Variants in ATAD3A observed in about 807,000 individuals in gnomAD.
The protein encoded by ATAD3A is ATPase family AAA domain-containing protein 3A.
In ATAD3A, 46 loss-of-function variants were observed where a neutral mutation model predicts 73.8. That is an observed-to-expected ratio of 0.62 (90% CI 0.49 to 0.80). The LOEUF is 0.80. ATAD3A is among the 30% of genes least tolerant of loss of function. The probability of loss-of-function intolerance (pLI) is 0.00; values close to 1 mark genes in which losing one functional copy is unlikely to be tolerated. For missense variants in ATAD3A, 705 were observed against 838.0 expected (o/e 0.84, Z 1.96); for synonymous variants, 319 against 350.0 (o/e 0.91, Z 0.99).
chr1:1,520,361 C>T lies in ATAD3A; in HGVS notation c.680+55C>T, dbSNP rs1328164902. ...CAGATGGAGCCCCGCAGGTGTGAGT[C>T]GCTGGTCCCAGGGCGCTCTCCAGCT... On this transcript the variant is annotated intron_variant, in intron 6 of 15. Coordinates refer to ENST00000378756, the MANE Select transcript of ATAD3A (RefSeq NM_001170535.3). This position sits in a 1 kb window ranked among gnomAD's most constrained non-coding sequence, Gnocchi z 4.0. 2.5e-5 allele frequency: 40 copies of T among 1,599,866 alleles called. No individual in the cohort carries two copies. The East Asian group carries it at 2.7e-4, about 11-fold the overall frequency.
At chr1:1,525,657 T>G (rs769674626) in intron 12 of ATAD3A, among the ~76,000 whole-genome samples, 4 of 152,196 alleles carry the variant, frequency 2.6e-5, no homozygotes, top group East Asian at 1.9e-4. Flanking sequence ...CTCGTGATCC[T>G]CCCGCCTTGG....
At chr1:1,521,336 G>T (rs1276462152) in intron 7 of ATAD3A, among the ~76,000 whole-genome samples, 1 of 138,202 alleles carries the variant, frequency 7.2e-6, no homozygotes, top group Admixed American at 7.3e-5. Flanking sequence ...AAAACCAGAA[G>T]GCAACCCTGA....
chr1:1,533,163 C>T (rs1187484946), intron 15 of ATAD3A, among the ~76,000 whole-genome samples: 1 of 152,162 alleles, frequency 6.6e-6, no homozygotes, highest in Non-Finnish European at 1.5e-5. Context: ...GGGCGAGGGA[C>T]CCACTCAGCT....
At chr1:1,533,874 G>T (rs573848735) in intron 15 of ATAD3A, 52 bp from the exon 16 acceptor site, 3 of 1,591,826 alleles carry the variant, frequency 1.9e-6, no homozygotes, top group Middle Eastern at 1.9e-4. Flanking sequence ...GCGTGCATTT[G>T]GGGTGGGGGG....
At chr1:1,525,565 C>T (rs1046491601) in intron 12 of ATAD3A, among the ~76,000 whole-genome samples, 2 of 151,896 alleles carry the variant, frequency 1.3e-5, no homozygotes, top group Non-Finnish European at 2.9e-5. Flanking sequence ...CAGGCTCCCG[C>T]CACCACACCT....
chr1:1,527,617 G>T, intron 13 of ATAD3A, 78 bp from the exon 14 acceptor site: 1 of 1,508,602 alleles, frequency 6.6e-7, no homozygotes, highest in Non-Finnish European at 8.9e-7. Context: ...CTCCCTGTGG[G>T]GGCTGAGGAG....
chr1:1,520,180 A>G lies in ATAD3A; in HGVS notation c.554A>G (p.Glu185Gly), dbSNP rs1357813591. The change falls in exon 6 of 16, where the codon GAG becomes GGG. Residue 185 changes from glutamate (E) to glycine (G), a missense_variant. Transcript: ENST00000378756. This position sits in a 1 kb window ranked among gnomAD's most constrained non-coding sequence, Gnocchi z 4.0. ...EREMELRHKN[E>G]MLRVEAEARA... Reference sequence around the variant, plus strand: ...GAGATGGAGCTGCGGCACAAGAATGAGATGCTGCGAGTGGAGGCCGAGGCC... The same window carrying G: ...GAGATGGAGCTGCGGCACAAGAATGGGATGCTGCGAGTGGAGGCCGAGGCC... 1 of 1,611,802 alleles carries G rather than the reference A, an allele frequency of 6.2e-7. No individual in the cohort carries two copies. Among genetic ancestry groups the G allele is most frequent in the East Asian group, 2.2e-5 (1 of 44,886 alleles).
At chr1:1,519,145 C>G (rs531377419) in intron 5 of ATAD3A, among the ~76,000 whole-genome samples, 155 bp downstream of exon 5, 4 of 151,662 alleles carry the variant, frequency 2.6e-5, no homozygotes, top group Admixed American at 2.6e-4. Flanking sequence ...GGCTGCCTCT[C>G]GGAAGACACC....
chr1:1,528,006 C>G, intron 14 of ATAD3A, 144 bp downstream of exon 14: 1 of 1,081,226 alleles, frequency 9.2e-7, no homozygotes, highest in Non-Finnish European at 1.3e-6. Context: ...GTCGCCCAGG[C>G]TGGAGTGCAG....
At chr1:1,518,689 A>ACACACACACC (rs1553125142) in intron 4 of ATAD3A, among the ~76,000 whole-genome samples, 3 of 85,970 alleles carry the variant, frequency 3.5e-5, no homozygotes, top group Admixed American at 1.5e-4. Flanking sequence ...ACACACACAC[A>ACACACACACC]CCCAAACGGG....
In ATAD3A at chr1:1,520,154, G is replaced by A. The variant is rs1227986246; in HGVS notation, c.528G>A (p.Arg176=). 2.5e-6 allele frequency: 4 copies of A among 1,611,040 alleles called. No individual in the cohort carries two copies. Among genetic ancestry groups the A allele is most frequent in the Middle Eastern group, 2.0e-4 (1 of 5,026 alleles). Residue 176 remains arginine, a synonymous_variant, in exon 6 of 16, where the codon CGG becomes CGA. Coordinates refer to ENST00000378756, the MANE Select transcript of ATAD3A (RefSeq NM_001170535.3). The surrounding 1 kb of genome is among the most constrained non-coding windows in gnomAD (Gnocchi z 4.0). ...TCTCTGGGGCAGCCACCGTGGAGCGGGAGATGGAGCTGCGGCACAAGAATG... is the reference window on the plus strand; with the variant it reads ...TCTCTGGGGCAGCCACCGTGGAGCGAGAGATGGAGCTGCGGCACAAGAATG... ...QEAMRRATVE[R]EMELRHKNEM...
In ATAD3A at chr1:1,526,292, T is replaced by TA. The variant is rs1467957878; in HGVS notation, c.1267-168dup. Among the ~76,000 whole-genome samples the TA allele has an allele frequency of 2.0e-4, 31 of 152,238 alleles. 2 individuals are homozygous for TA. Among genetic ancestry groups the TA allele is most frequent in the African/African-American group, 7.2e-4 (30 of 41,538 alleles). ...CGCCTCAGCCTCCCAAAATCCAGGT[T>TA]ACATTCGTGAGCCACCGCCCCTGGC... On this transcript the variant is annotated intron_variant, in intron 12 of 15. Transcript: ENST00000378756.
intron 7 of ATAD3A, among the ~76,000 whole-genome samples, chr1:1,522,127 C>T (rs1265911802): frequency 1.3e-5 from 2 of 152,090 alleles, no homozygotes; most frequent in Non-Finnish European, 2.9e-5. Flanking sequence ...GCAACCTTTG[C>T]CTTCCGGGTT....
Position 1,523,254 on chromosome 1 carries a change from C to T in ATAD3A, c.907-257C>T, listed in dbSNP as rs997119617. ...TGGGGAGCCGCGCCGCTCGCCGCCC[C>T]CGAGGTGCCTGCTCTCCACAGGTCA... is the stretch of plus-strand genomic sequence containing the variant. On this transcript the variant is annotated intron_variant, in intron 8 of 15. Coordinates refer to ENST00000378756, the MANE Select transcript of ATAD3A (RefSeq NM_001170535.3). The surrounding 1 kb of genome is among the most constrained non-coding windows in gnomAD (Gnocchi z 5.1). 6.6e-6 allele frequency among the ~76,000 whole-genome samples: 1 copy of T among 152,076 alleles called. No individual in the cohort carries two copies. The highest frequency in any genetic ancestry group is 1.5e-5 in the Non-Finnish European group (1 of 68,022).
At position 1,523,451 on chromosome 1, in the gene ATAD3A, G is replaced by GGTGGCTGTTCC; in HGVS notation, c.907-51_907-41dup. 1 of 1,590,336 alleles carries GGTGGCTGTTCC rather than the reference G, an allele frequency of 6.3e-7. No homozygotes were observed. Among genetic ancestry groups the GGTGGCTGTTCC allele is most frequent in the South Asian group, 1.1e-5 (1 of 88,424 alleles). Reference sequence around the variant, plus strand: ...GTTACCGAGCGTGTGTGTGCGCGTTGGTGGCTGTTCCGTGGCTGTGGCAGG... The same window carrying GGTGGCTGTTCC: ...GTTACCGAGCGTGTGTGTGCGCGTTGGTGGCTGTTCCGTGGCTGTTCCGTGGCTGTGGCAGG... On this transcript the variant is annotated intron_variant, in intron 8 of 15. Coordinates refer to ENST00000378756, the MANE Select transcript of ATAD3A (RefSeq NM_001170535.3). The surrounding 1 kb of genome is among the most constrained non-coding windows in gnomAD (Gnocchi z 5.1).
Position 1,520,747 on chromosome 1 carries a change from C to G in ATAD3A, c.750+130C>G. On this transcript the variant is annotated intron_variant, in intron 7 of 15. Coordinates refer to ENST00000378756, the MANE Select transcript of ATAD3A (RefSeq NM_001170535.3). The surrounding 1 kb of genome is among the most constrained non-coding windows in gnomAD (Gnocchi z 4.0). ...GCTCTCCCAGCAGGGAGGAAGCCCA[C>G]GTTGTACCTGCTGGCCTCGGCTTCT... The G allele has an allele frequency of 2.8e-6, 4 of 1,427,918 alleles. No homozygotes were observed. The highest frequency in any genetic ancestry group is 3.8e-6 in the Non-Finnish European group (4 of 1,043,934). 88.5% of individuals were successfully genotyped at this position (1,427,918 alleles called of 1,614,324 possible). A position where few individuals can be genotyped will look rare whatever the true frequency, so the allele number is the denominator to read the frequency against.
In ATAD3A at chr1:1,523,700, G is replaced by C. The variant is rs986959200; in HGVS notation, c.963+133G>C. The stretch of plus-strand genomic sequence containing the variant: ...CCTGAGATGCGACTGCTTGGACCGT[G>C]CTGGGGATAGATAGGCTGCCCCTGA... On this transcript the variant is annotated intron_variant, in intron 9 of 15. Coordinates refer to ENST00000378756, the MANE Select transcript of ATAD3A (RefSeq NM_001170535.3). This position sits in a 1 kb window ranked among gnomAD's most constrained non-coding sequence, Gnocchi z 5.1. 333 of 1,588,652 alleles carry C rather than the reference G, an allele frequency of 2.1e-4. 1 individual carries two copies. Among genetic ancestry groups the C allele is most frequent in the Non-Finnish European group, 2.6e-4 (307 of 1,165,632 alleles).
chr1:1,524,860 C>T (rs1216526485), intron 11 of ATAD3A, among the ~76,000 whole-genome samples: 8 of 151,288 alleles, frequency 5.3e-5, no homozygotes, highest in Non-Finnish European at 1.0e-4. Context: ...CTCGGCTGTC[C>T]TCGTTGGAAC....
At position 1,514,563 on chromosome 1, in the gene ATAD3A, C is replaced by T. The variant is rs530828384; in HGVS notation, c.206-1449C>T. On this transcript the variant is annotated intron_variant, in intron 1 of 15. Transcript: ENST00000378756. Reference sequence around the variant, plus strand: ...CTTCCTGAAATCTGACACTGATGCCCGTCAGCCCAGTTCGTGCCTAACCAC... The same window carrying T: ...CTTCCTGAAATCTGACACTGATGCCTGTCAGCCCAGTTCGTGCCTAACCAC... Among the ~76,000 whole-genome samples, 6 of 152,304 alleles carry T rather than the reference C, an allele frequency of 3.9e-5. No individual in the cohort carries two copies. In the South Asian group the frequency reaches 6.2e-4, roughly 16 times the overall value.
Sources: allele counts gnomAD v4.1 joint callset (sites outside exome capture counted in the v4.1 genomes callset), GRCh38; gene constraint gnomAD v4.1.1; non-coding constraint Gnocchi (gnomAD v3.1); transcripts MANE v1.5; gene names NCBI Gene and HGNC (gene_info 2026-07-23, HGNC 2026-07-21).